Variants in SEMA4G observed in about 807,000 individuals in gnomAD.
SEMA4G encodes semaphorin-4G.
SEMA4G carries 59 observed loss-of-function variants against 81.2 expected under a neutral mutation model. That is an observed-to-expected ratio of 0.73 (90% CI 0.59 to 0.90). The LOEUF (loss-of-function observed/expected upper bound fraction) is 0.90, where lower values mean the gene tolerates loss of function less well. Ranked by LOEUF, SEMA4G falls within the 40% of genes least tolerant of loss-of-function variation. The probability of loss-of-function intolerance (pLI) is 0.00; values close to 1 mark genes in which losing one functional copy is unlikely to be tolerated. For synonymous variants in SEMA4G, 404 were observed against 433.9 expected, an observed-to-expected ratio of 0.93 and a Z score of 0.86; for missense variants, 952 against 1,102.3, an observed-to-expected ratio of 0.86 and a Z score of 1.93.
At chr10:100,983,889 G>C in exon 14 of SEMA4G, 1 of 1,545,268 alleles carries the variant, frequency 6.5e-7, no homozygotes, top group South Asian at 1.2e-5. Flanking sequence ...GATCATCCCT[G>C]GGGAGGGAGC....
Position 100,973,342 on chromosome 10 carries a change from A to G in SEMA4G, c.273+65A>G. On this transcript the variant is annotated intron_variant, in intron 2 of 13. Transcript: ENST00000370250. The surrounding 1 kb of genome is among the most constrained non-coding windows in gnomAD (Gnocchi z 5.5). ...GCTTATCCAGCTCCCTGGGACCTCA[A>G]CTTCCTTAAAACCCTGCCAGCCTTC... The G allele has an allele frequency of 5.0e-6, 8 of 1,588,050 alleles. No homozygotes were observed. The highest frequency in any genetic ancestry group is 6.9e-6 in the Non-Finnish European group (8 of 1,167,702).
chr10:100,981,662 G>A (rs952612551), intron 13 of SEMA4G: 30 of 1,267,702 alleles, frequency 2.4e-5, no homozygotes, highest in Non-Finnish European at 3.3e-5. Flanking sequence ...GCATTCTTAT[G>A]AGAAAGGTGC....
rs1297589742 is a variant in SEMA4G, at chr10:100,973,373, C to T, written c.273+96C>T. 2.7e-6 allele frequency: 4 copies of T among 1,505,422 alleles called. No individual in the cohort carries two copies. Among genetic ancestry groups the T allele is most frequent in the East Asian group, 4.7e-5 (2 of 42,488 alleles). 93.3% of individuals were successfully genotyped at this position (1,505,422 alleles called of 1,614,324 possible). On this transcript the variant is annotated intron_variant, in intron 2 of 13. Transcript: ENST00000370250. This position sits in a 1 kb window ranked among gnomAD's most constrained non-coding sequence, Gnocchi z 5.5. ...TTAAAACCCTGCCAGCCTTCCATAG[C>T]CCCCTGGTCAGACAGCACTGCCCTT...
intron 13 of SEMA4G, 99 bp from the exon 15 acceptor site, chr10:100,983,206 G>A: frequency 6.7e-6 from 9 of 1,351,818 alleles, no homozygotes; most frequent in South Asian, 6.1e-5. Context: ...TCTGGGTTCT[G>A]TGCTTGGTGC....
At chr10:100,978,911 G>A in exon 7 of SEMA4G, 1 of 1,614,212 alleles carries the variant, frequency 6.2e-7, no homozygotes, top group Non-Finnish European at 8.5e-7. Context: ...GGGTGATGAT[G>A]ACAAGGTGTA....
rs760612775 is a variant in SEMA4G at position 100,973,275 on chromosome 10, G to A, written c.271G>A (p.Glu91Lys). Residue 91 changes from glutamate to lysine, a missense_variant and splice_region_variant, in exon 2 of 14, where the codon GAG (glutamate) becomes AAG (lysine). This residue lies in a region of SEMA4G where 436 missense variants were observed against 488.2 expected (regional missense o/e 0.89). Transcript: ENST00000370250. The surrounding 1 kb of genome is among the most constrained non-coding windows in gnomAD (Gnocchi z 5.5). ...CGACATAGGAGATGGGGCTCACAAA[G>A]AGGTCAGGCCCTGGAACCTGGACCA... 1 of 1,612,608 alleles carries A rather than the reference G, an allele frequency of 6.2e-7. No individual in the cohort carries two copies. Among genetic ancestry groups the A allele is most frequent in the Non-Finnish European group, 8.5e-7 (1 of 1,180,040 alleles).
chr10:100,978,235 T>G (rs1302034063), intron 4 of SEMA4G, 60 bp from the exon 6 acceptor site: 1 of 1,313,776 alleles, frequency 7.6e-7, no homozygotes, highest in Non-Finnish European at 1.1e-6. Context: ...CTGATCTGAC[T>G]TTGAGCCACT....
chr10:100,972,896 T>A, exon 1 of SEMA4G: 1 of 1,594,642 alleles, frequency 6.3e-7, no homozygotes, highest in Non-Finnish European at 8.5e-7. Flanking sequence ...CTTGTTAGTC[T>A]GGGCCTCCCC....
exon 14 of SEMA4G, chr10:100,984,250 C>T: frequency 1.4e-6 from 2 of 1,449,670 alleles, no homozygotes; most frequent in Non-Finnish European, 1.8e-6. Context: ...CTTCTCCCAA[C>T]TTTTTGATGT....
At chr10:100,969,633 C>G, upstream of SEMA4G, 8 of 325,142 alleles carry the variant, frequency 2.5e-5, no homozygotes, top group South Asian at 1.8e-4. Context: ...TGGCGTGAGC[C>G]TGGGGCTGCG....
intron 3 of SEMA4G, among the ~76,000 whole-genome samples, chr10:100,975,373 T>C (rs528543923): frequency 4.3e-4 from 66 of 152,344 alleles, no homozygotes; most frequent in African/African-American, 1.6e-3. Context: ...TCCCAAAGCA[T>C]GTTCTGAGGA....
At chr10:100,972,958 A>C in exon 1 of SEMA4G, 3 of 1,613,360 alleles carry the variant, frequency 1.9e-6, no homozygotes, top group Non-Finnish European at 2.5e-6. Context: ...CCTCACAGCA[A>C]CTGCAGTCCC....
chr10:100,980,406 T>A, intron 10 of SEMA4G, 62 bp downstream of exon 11: 1 of 1,513,292 alleles, frequency 6.6e-7, no homozygotes, highest in Non-Finnish European at 9.2e-7. Context: ...CTGAATCCAT[T>A]AATTCCTGCC....
At chr10:100,978,472 CAT>C in intron 5 of SEMA4G, 53 bp from the exon 7 acceptor site, 1 of 1,596,180 alleles carries the variant, frequency 6.3e-7, no homozygotes, top group African/African-American at 1.3e-5. Context: ...ATGTATATGT[CAT>C]GTGCCCTGTT....
rs984743058 is a variant in SEMA4G, at chr10:100,981,375, G to A, written c.1690+146G>A. ...ACTCAAACACAGAGCCTGGCACAGA[G>A]TAAGTGCTCAACAAACATTTACTGC... On this transcript the variant is annotated intron_variant, in intron 13 of 13. Transcript: ENST00000370250. The A allele has an allele frequency of 3.3e-5, 53 of 1,610,332 alleles. No individual in the cohort carries two copies. The African/African-American group carries it at 5.7e-4, about 17-fold the overall frequency.
intron 13 of SEMA4G, among the ~76,000 whole-genome samples, chr10:100,982,464 T>A (rs1851143723): frequency 6.6e-6 from 1 of 152,148 alleles, no homozygotes; most frequent in Non-Finnish European, 1.5e-5. Flanking sequence ...CTAAGATAGA[T>A]GCCAGAAACA....
chr10:100,984,097 A>G, exon 14 of SEMA4G: 2 of 1,613,208 alleles, frequency 1.2e-6, no homozygotes, highest in Non-Finnish European at 1.7e-6. Context: ...AAGCACACGC[A>G]GCTCGTGGAG....
Position 100,984,704 on chromosome 10 carries a change from T to C in SEMA4G, c.*573T>C, listed in dbSNP as rs1348931588. On this transcript the variant is annotated 3_prime_UTR_variant, in exon 14 of 14. Coordinates refer to ENST00000370250, the Ensembl canonical transcript of SEMA4G. The stretch of plus-strand genomic sequence containing the variant: ...CTTGTTTCATCCCTGCTTCTGGACT[T>C]GGGGTACCCTCCCAATTGCCACATC... 3 of 1,536,184 alleles carry C rather than the reference T, an allele frequency of 2.0e-6. No individual in the cohort carries two copies. The East Asian group carries it at 7.3e-5, about 38-fold the overall frequency.
intron 13 of SEMA4G, among the ~76,000 whole-genome samples, chr10:100,982,510 G>C (rs1456410397): frequency 2.6e-5 from 4 of 152,210 alleles, no homozygotes; most frequent in Non-Finnish European, 5.9e-5. Context: ...ACGTGAAGAA[G>C]GGCCGGGCAC....
Sources: allele counts gnomAD v4.1 joint callset (sites outside exome capture counted in the v4.1 genomes callset), GRCh38; gene constraint gnomAD v4.1.1; regional missense constraint gnomAD v4.1.1; non-coding constraint Gnocchi (gnomAD v3.1); transcripts MANE v1.5; gene names NCBI Gene and HGNC (gene_info 2026-07-23, HGNC 2026-07-21).